OSBPL1A: variants seen among roughly 807,000 people sequenced by gnomAD.
OSBPL1A encodes the protein oxysterol binding protein like 1A.
A neutral mutation model predicts 137.1 loss-of-function variants in OSBPL1A; 80 were observed. That is an observed-to-expected ratio of 0.58 (90% confidence interval 0.49 to 0.70). The LOEUF is 0.70. Ranked by LOEUF, OSBPL1A falls within the 30% of genes least tolerant of loss-of-function variation. OSBPL1A has a pLI of 0.00. For synonymous variants in OSBPL1A, 365 were observed against 389.7 expected (o/e 0.94, Z 0.75); for missense variants, 970 against 1,129.4 (o/e 0.86, Z 2.02).
chr18:24,173,940 T>C (rs1019249421), intron 21 of OSBPL1A, among the ~76,000 whole-genome samples: 1 of 152,232 alleles, frequency 6.6e-6, no homozygotes, highest in Non-Finnish European at 1.5e-5. Context: ...CCCCAACAAC[T>C]GATCTGTTCT....
chr18:24,328,556 A>G (rs1166477534), intron 7 of OSBPL1A, among the ~76,000 whole-genome samples: 1 of 152,158 alleles, frequency 6.6e-6, no homozygotes, highest in African/African-American at 2.4e-5. Context: ...AGTTTGAGCT[A>G]GCTCTTAAAG....
intron 1 of OSBPL1A, among the ~76,000 whole-genome samples, chr18:24,393,522 C>T (rs1034681886): frequency 1.6e-4 from 25 of 151,998 alleles, no homozygotes; most frequent in Non-Finnish European, 3.2e-4. Context: ...GCACGATCTC[C>T]GCTCACTGCA....
intron 2 of OSBPL1A, among the ~76,000 whole-genome samples, chr18:24,374,271 C>T (rs563728970): frequency 8.7e-4 from 132 of 152,294 alleles, no homozygotes; most frequent in African/African-American, 3.1e-3. Flanking sequence ...TGCAAAGATG[C>T]TATTTCTTCC....
chr18:24,395,425 AT>A (rs1477971280), intron 1 of OSBPL1A, among the ~76,000 whole-genome samples: 2 of 152,216 alleles, frequency 1.3e-5, no homozygotes, highest in African/African-American at 4.8e-5. Flanking sequence ...CCACTTAAAA[AT>A]ATTATGATCA....
At chr18:24,254,278 T>C (rs1446272742) in intron 15 of OSBPL1A, among the ~76,000 whole-genome samples, 2 of 152,202 alleles carry the variant, frequency 1.3e-5, no homozygotes, top group African/African-American at 4.8e-5. Context: ...ATTTTCAGCA[T>C]TGGACAGATC....
chr18:24,337,805 G>T (rs976815292), intron 5 of OSBPL1A, among the ~76,000 whole-genome samples: 1 of 151,302 alleles, frequency 6.6e-6, no homozygotes, highest in Non-Finnish European at 1.5e-5. Context: ...TAATTTTCCT[G>T]AAATCGAGCA....
intron 15 of OSBPL1A, among the ~76,000 whole-genome samples, chr18:24,253,845 T>C (rs1469790962): frequency 6.6e-6 from 1 of 152,188 alleles, no homozygotes; most frequent in East Asian, 1.9e-4. Flanking sequence ...AGGAGGAATT[T>C]AGGGAGGTTC....
At chr18:24,363,428 C>CTTTTT (rs1359652452) in intron 4 of OSBPL1A, among the ~76,000 whole-genome samples, 1 of 149,200 alleles carries the variant, frequency 6.7e-6, no homozygotes, top group African/African-American at 2.5e-5. Context: ...TATTACACTT[C>CTTTTT]TTTCTTTTTC....
chr18:24,368,242 A>T (rs1214100619), intron 3 of OSBPL1A, 45 bp downstream of exon 3: 3 of 1,436,062 alleles, frequency 2.1e-6, no homozygotes, highest in Non-Finnish European at 2.9e-6. Context: ...TTTCCATAAC[A>T]ATAATATTTA....
chr18:24,282,211 G>A (rs548206538), intron 14 of OSBPL1A, among the ~76,000 whole-genome samples: 3 of 151,908 alleles, frequency 2.0e-5, no homozygotes, highest in African/African-American at 7.2e-5. Context: ...TTAAACAACA[G>A]GGTAATGTTT....
chr18:24,273,923 G>A (rs1371778074), intron 15 of OSBPL1A, among the ~76,000 whole-genome samples: 1 of 151,994 alleles, frequency 6.6e-6, no homozygotes, highest in Non-Finnish European at 1.5e-5. Flanking sequence ...AAGGGAGATA[G>A]GCAACCAAGA....
chr18:24,300,811 C>G (rs1307219145), intron 14 of OSBPL1A, among the ~76,000 whole-genome samples: 2 of 152,174 alleles, frequency 1.3e-5, no homozygotes, highest in African/African-American at 4.8e-5. Flanking sequence ...ACCTATCTAT[C>G]AGTCTGTCTC....
chr18:24,344,300 A>C (rs1475304797), intron 4 of OSBPL1A, among the ~76,000 whole-genome samples: 1 of 152,074 alleles, frequency 6.6e-6, no homozygotes, highest in East Asian at 1.9e-4. Context: ...AAATACAAAA[A>C]TTAGCCGGGC....
chr18:24,182,982 C>T (rs967366231), intron 18 of OSBPL1A, among the ~76,000 whole-genome samples: 2 of 152,070 alleles, frequency 1.3e-5, no homozygotes, highest in East Asian at 3.9e-4. Flanking sequence ...AATTCTCCTG[C>T]CTCAGCCTCC....
chr18:24,168,248 T>C (rs2086190240), intron 24 of OSBPL1A, among the ~76,000 whole-genome samples: 1 of 152,124 alleles, frequency 6.6e-6, no homozygotes, highest in South Asian at 2.1e-4. Context: ...GAGTATCTAC[T>C]AAGGAACTAC....
At chr18:24,279,330 G>A (rs545296109) in intron 15 of OSBPL1A, among the ~76,000 whole-genome samples, 116 of 151,736 alleles carry the variant, frequency 7.6e-4, no homozygotes, top group Non-Finnish European at 1.4e-3. Context: ...TTGTGAGGCT[G>A]AGGTGGGAGG....
intron 14 of OSBPL1A, among the ~76,000 whole-genome samples, chr18:24,296,146 T>C (rs1188803196): frequency 6.6e-6 from 1 of 152,226 alleles, no homozygotes; most frequent in African/African-American, 2.4e-5. Context: ...GCATGAGATA[T>C]GTTTCCATTT....
intron 5 of OSBPL1A, among the ~76,000 whole-genome samples, chr18:24,340,366 A>G (rs1177715264): frequency 6.6e-6 from 1 of 152,218 alleles, no homozygotes; most frequent in Non-Finnish European, 1.5e-5. Flanking sequence ...GTATATTGCA[A>G]TGAAGTCCTC....
rs9962160 is a variant in OSBPL1A, at chr18:24,182,712, T to C, written c.1678-1433A>G. 9.2e-3 allele frequency among the ~76,000 whole-genome samples: 1,399 copies of C among 152,062 alleles called. 20 individuals carry two copies. The highest frequency in any genetic ancestry group is 0.032 in the African/African-American group (1,337 of 41,424). On this transcript the variant is annotated intron_variant, in intron 18 of 27. Coordinates refer to ENST00000319481, the MANE Select transcript of OSBPL1A (RefSeq NM_080597.4). ...ATTTACTGCTGCATCACTGGGGAGA[T>C]GAGGGAAAACAGGAATGTATATAGA...
Sources: allele counts gnomAD v4.1 joint callset (sites outside exome capture counted in the v4.1 genomes callset), GRCh38; gene constraint gnomAD v4.1.1; transcripts MANE v1.5; gene names NCBI Gene and HGNC (gene_info 2026-07-23, HGNC 2026-07-21).